The following ANKS1A variants were observed in gnomAD, a reference collection of about 807,000 sequenced individuals.
ANKS1A encodes ankyrin repeat and sterile alpha motif domain containing 1A, also known as ankyrin repeat and SAM domain-containing protein 1A.
ANKS1A carries 55 observed loss-of-function variants against 120.3 expected under a neutral mutation model. That is an observed-to-expected ratio of 0.46 (90% CI 0.37 to 0.57). The LOEUF (loss-of-function observed/expected upper bound fraction) is 0.57. Ranked by LOEUF, ANKS1A falls within the 20% of genes least tolerant of loss-of-function variation. The pLI is 0.00. For synonymous variants in ANKS1A, 590 were observed against 604.7 expected, an observed-to-expected ratio of 0.98 and a Z score of 0.36; for missense variants, 1,123 against 1,480.3, an observed-to-expected ratio of 0.76 and a Z score of 3.96.
intron 3 of ANKS1A, among the ~76,000 whole-genome samples, chr6:34,973,868 TC>T (rs1554139642): frequency 1.2e-5 from 1 of 86,278 alleles, no homozygotes; most frequent in African/African-American, 5.4e-5. Flanking sequence ...GCCCTCCCCT[TC>T]CCTTCCCCTT....
chr6:35,059,008 A>C (rs1479557575), intron 12 of ANKS1A, among the ~76,000 whole-genome samples: 1 of 152,234 alleles, frequency 6.6e-6, no homozygotes, highest in Non-Finnish European at 1.5e-5. Flanking sequence ...CAGGACGTGA[A>C]TAGACTTAAG....
intron 10 of ANKS1A, among the ~76,000 whole-genome samples, chr6:34,999,419 A>AGT (rs1307338526): frequency 2.0e-5 from 3 of 152,290 alleles, no homozygotes; most frequent in East Asian, 1.9e-4. Context: ...AAACTGCAAA[A>AGT]GTGTGTGTGT....
chr6:35,077,876 A>G (rs1777450864), intron 13 of ANKS1A, among the ~76,000 whole-genome samples: 1 of 152,192 alleles, frequency 6.6e-6, no homozygotes, highest in South Asian at 2.1e-4. Context: ...GCCCTGTCAT[A>G]TAGTAAGAAA....
intron 11 of ANKS1A, among the ~76,000 whole-genome samples, chr6:35,041,581 C>G (rs1228901053): frequency 6.6e-6 from 1 of 152,174 alleles, no homozygotes; most frequent in East Asian, 1.9e-4. Flanking sequence ...CTGGAATAGG[C>G]ACTCTTCACT....
rs966954032 is a variant in ANKS1A at position 35,090,440 on chromosome 6, G to A, written c.*1831G>A. 3 of 1,183,470 alleles carry A rather than the reference G, an allele frequency of 2.5e-6. No individual in the cohort carries two copies. Among genetic ancestry groups the A allele is most frequent in the African/African-American group, 3.2e-5 (2 of 62,450 alleles). The allele number at this position is 1,183,470 out of a possible 1,614,324, so 73.3% of individuals were successfully genotyped here. A position where few individuals can be genotyped will look rare whatever the true frequency, so the allele number is the denominator to read the frequency against. On this transcript the variant is annotated 3_prime_UTR_variant, in exon 24 of 24. Coordinates refer to ENST00000360359, the MANE Select transcript of ANKS1A (RefSeq NM_015245.3). ...GTCCGAAAGAAACCGCAGACACTAC[G>A]ATGCACTCCTCAAGCTGTCTTTTGT...
At chr6:34,997,929 C>T (rs1337556867) in intron 10 of ANKS1A, among the ~76,000 whole-genome samples, 1 of 152,152 alleles carries the variant, frequency 6.6e-6, no homozygotes, top group African/African-American at 2.4e-5. Context: ...TGGTTTCTTC[C>T]AATTCTGCAA....
chr6:35,024,009 T>C (rs920505940), intron 11 of ANKS1A, among the ~76,000 whole-genome samples: 2 of 152,162 alleles, frequency 1.3e-5, no homozygotes, highest in African/African-American at 4.8e-5. Context: ...TCTCTAAAAC[T>C]TTGTTTTTCT....
chr6:34,997,195 ATTTT>A (rs372595838), intron 10 of ANKS1A, among the ~76,000 whole-genome samples: 1 of 130,274 alleles, frequency 7.7e-6, no homozygotes, highest in Admixed American at 8.1e-5. Context: ...TATTGGTAGA[ATTTT>A]TTTTTTTTTT....
chr6:35,071,599 G>A (rs1248787206), intron 13 of ANKS1A, among the ~76,000 whole-genome samples: 1 of 152,116 alleles, frequency 6.6e-6, no homozygotes, highest in Non-Finnish European at 1.5e-5. Flanking sequence ...GCCTAGAGGG[G>A]GGGTCCATTC....
downstream of ANKS1A, among the ~76,000 whole-genome samples, chr6:35,095,770 C>T (rs950007585): frequency 2.0e-5 from 3 of 152,026 alleles, no homozygotes; most frequent in Non-Finnish European, 4.4e-5. Context: ...CCATCACAAC[C>T]TTATACCAAA....
rs1329813807 is a variant in ANKS1A, at chr6:35,086,879, G to A, written c.3304-73G>A. On this transcript the variant is annotated intron_variant, in intron 22 of 23. Transcript: ENST00000360359. This position sits in a 1 kb window ranked among gnomAD's most constrained non-coding sequence, Gnocchi z 5.1. ...ACAGGGGCCACAGCCTGGCCTGGGG[G>A]TGGGAGGGGCCTGCTGCCTCCAGCC... 2.8e-6 allele frequency: 4 copies of A among 1,437,970 alleles called. No homozygotes were observed. Among genetic ancestry groups the A allele is most frequent in the African/African-American group, 2.8e-5 (2 of 71,362 alleles). The allele number at this position is 1,437,970 out of a possible 1,614,324, so 89.1% of individuals were successfully genotyped here. A position where few individuals can be genotyped will look rare whatever the true frequency, so the allele number is the denominator to read the frequency against.
intron 13 of ANKS1A, among the ~76,000 whole-genome samples, chr6:35,071,218 C>T (rs1015902135): frequency 3.3e-5 from 5 of 152,150 alleles, no homozygotes; most frequent in Non-Finnish European, 5.9e-5. Flanking sequence ...TCACATATAT[C>T]GCTTGATGTC....
At position 35,086,961 on chromosome 6, in the gene ANKS1A, C is replaced by G. The variant is rs200759331; in HGVS notation, c.3313C>G (p.Pro1105Ala). The change falls in exon 23 of 24, where the codon CCT becomes GCT. Residue 1105 changes from proline (P) to alanine (A), a missense_variant. Around this residue, in one of 3 missense-constraint regions of ANKS1A, gnomAD observed 904 missense variants for 1,130.4 expected, o/e 0.80. Transcript: ENST00000360359. This position sits in a 1 kb window ranked among gnomAD's most constrained non-coding sequence, Gnocchi z 5.1. ...CTTCCTTGTTTGGCAGCTGGAACCA[C>G]CTGATATGGACCAAGATGCCCAATC... ...VGVRKSALEP[P>A]DMDQDAQSHA... 1 of 1,614,168 alleles carries G rather than the reference C, an allele frequency of 6.2e-7. No homozygotes were observed. Among genetic ancestry groups the G allele is most frequent in the Non-Finnish European group, 8.5e-7 (1 of 1,180,002 alleles).
chr6:34,972,339 G>C (rs959906903), intron 3 of ANKS1A, among the ~76,000 whole-genome samples: 3 of 152,112 alleles, frequency 2.0e-5, no homozygotes, highest in African/African-American at 7.2e-5. Context: ...GATCTAGCTA[G>C]TGGTTACAAG....
In ANKS1A at chr6:35,085,210, CAG is replaced by C. The variant is rs1231515319; in HGVS notation, c.3133-555_3133-554del. On this transcript the variant is annotated intron_variant, in intron 21 of 23. Transcript: ENST00000360359. The surrounding 1 kb of genome is among the most constrained non-coding windows in gnomAD (Gnocchi z 4.7). The stretch of plus-strand genomic sequence containing the variant: ...GGAGGGGATATAATGTGGCCCACCT[CAG>C]GGGCCACTGTGAGATGGATGAGGTG... Among the ~76,000 whole-genome samples, 5 of 152,164 alleles carry C rather than the reference CAG, an allele frequency of 3.3e-5. No individual in the cohort carries two copies. The highest frequency in any genetic ancestry group is 1.2e-4 in the African/African-American group (5 of 41,448).
At chr6:35,042,737 C>T (rs1775528356) in intron 11 of ANKS1A, among the ~76,000 whole-genome samples, 1 of 152,254 alleles carries the variant, frequency 6.6e-6, no homozygotes, top group Non-Finnish European at 1.5e-5. Context: ...CTCCCTGTGT[C>T]ATCGCATCCT....
At chr6:34,936,061 C>CAAAAAA (rs34851777) in intron 1 of ANKS1A, among the ~76,000 whole-genome samples, 2 of 36,338 alleles carry the variant, frequency 5.5e-5, no homozygotes, top group African/African-American at 1.1e-4. Flanking sequence ...GACTCCGTCT[C>CAAAAAA]AAAAAAAAAA....
chr6:35,096,519 C>T, the ANKS1A span, among the ~76,000 whole-genome samples: 1 of 152,180 alleles, frequency 6.6e-6, no homozygotes, highest in Non-Finnish European at 1.5e-5. Flanking sequence ...ATTTTGGTCT[C>T]ATTTTGGTTT....
chr6:34,950,790 G>A (rs1166201633), intron 1 of ANKS1A, among the ~76,000 whole-genome samples: 2 of 151,746 alleles, frequency 1.3e-5, no homozygotes, highest in Non-Finnish European at 2.9e-5. Context: ...ATGGGGGTGG[G>A]TGGTGGGTGA....
Sources: allele counts gnomAD v4.1 joint callset (sites outside exome capture counted in the v4.1 genomes callset), GRCh38; gene constraint gnomAD v4.1.1; regional missense constraint gnomAD v4.1.1; non-coding constraint Gnocchi (gnomAD v3.1); transcripts MANE v1.5; gene names NCBI Gene and HGNC (gene_info 2026-07-23, HGNC 2026-07-21).